The following ASCC3 variants were observed in gnomAD, a reference collection of about 807,000 sequenced individuals.
The protein encoded by ASCC3 is ASC-1 complex subunit P200.
Under a neutral mutation model 256.3 loss-of-function variants are expected in ASCC3, and 158 were observed. That is an observed-to-expected ratio of 0.62 (90% CI 0.54 to 0.70). ASCC3 has a LOEUF of 0.70. Among genes scored for constraint, ASCC3 ranks in the 30% least tolerant of loss-of-function variants. ASCC3 has a pLI of 0.00. For missense variants in ASCC3, 2,259 were observed against 2,626.0 expected (o/e 0.86, Z 3.05); for synonymous variants, 948 against 883.4 (o/e 1.07, Z -1.30).
rs1779494535 is a variant in ASCC3 at position 100,723,955 on chromosome 6, T to C, written c.1902+1584A>G. Among the ~76,000 whole-genome samples, 3 of 144,448 alleles carry C rather than the reference T, an allele frequency of 2.1e-5. No homozygotes were observed. The South Asian group carries it at 6.5e-4, about 31-fold the overall frequency. The allele number at this position is 144,448 out of a possible 152,430, so 94.8% of individuals were successfully genotyped here. On this transcript the variant is annotated intron_variant, in intron 11 of 41. Transcript: ENST00000369162. ...ATATATATATACACACACACATGCA[T>C]ATACATCATATACATATTATATATA...
chr6:100,762,283 A>AT (rs34342700), intron 10 of ASCC3, among the ~76,000 whole-genome samples: 143,117 of 152,250 alleles, frequency 0.94, 67,585 homozygotes, highest in South Asian at 0.99. Context: ...GAAGAGAACA[A>AT]TTCAGAACTC....
intron 37 of ASCC3, among the ~76,000 whole-genome samples, chr6:100,527,870 G>A (rs535859023): frequency 7.4e-5 from 11 of 148,442 alleles, no homozygotes; most frequent in South Asian, 4.2e-4. Flanking sequence ...ATGGCATCTC[G>A]CTCTGTCACC....
chr6:100,607,846 C>A (rs551276782), intron 30 of ASCC3, among the ~76,000 whole-genome samples: 6 of 150,838 alleles, frequency 4.0e-5, no homozygotes, highest in Non-Finnish European at 5.9e-5. Flanking sequence ...TTTTTGTTTA[C>A]TTCTTATCTT....
intron 18 of ASCC3, 70 bp downstream of exon 18, chr6:100,652,655 T>A: frequency 7.0e-7 from 1 of 1,437,672 alleles, no homozygotes; most frequent in Non-Finnish European, 9.6e-7. Context: ...TTATTTTACA[T>A]TAATAATATA....
chr6:100,822,484 C>T (rs1771095139), intron 4 of ASCC3, among the ~76,000 whole-genome samples: 1 of 150,386 alleles, frequency 6.6e-6, no homozygotes, highest in South Asian at 2.1e-4. Flanking sequence ...TTGCAGTGAT[C>T]CAAGATCGCG....
chr6:100,510,249 C>T (rs772385278), intron 40 of ASCC3, 142 bp from the exon 41 acceptor site: 726 of 917,160 alleles, frequency 7.9e-4, no homozygotes, highest in Non-Finnish European at 1.0e-3. Context: ...TTTAAATTTT[C>T]TTCCATTCTG....
At position 100,601,846 on chromosome 6, in the gene ASCC3, C is replaced by T; in HGVS notation, c.5267G>A (p.Trp1756Ter). ...SKQDALDYIT[W>*]TYFFRRLIMN... Reference sequence around the variant, plus strand: ...GATAAGACGTCGGAAAAAGTAAGTCCAGGTGATATAATCCAATGCATCTTG... The same window carrying T: ...GATAAGACGTCGGAAAAAGTAAGTCTAGGTGATATAATCCAATGCATCTTG... Residue 1756 changes from tryptophan (W) to a stop codon, truncating the protein, a stop_gained, in exon 34 of 42, where the codon TGG (tryptophan) becomes TAG (stop). Coordinates refer to ENST00000369162, the MANE Select transcript of ASCC3 (RefSeq NM_006828.4). LOFTEE classifies it high-confidence loss of function. 6.2e-7 allele frequency: 1 copy of T among 1,612,606 alleles called. No individual in the cohort carries two copies. Among genetic ancestry groups the T allele is most frequent in the South Asian group, 1.1e-5 (1 of 91,040 alleles).
chr6:100,798,675 G>T (rs746092430), intron 8 of ASCC3, 38 bp downstream of exon 8: 5 of 1,609,306 alleles, frequency 3.1e-6, no homozygotes, highest in Non-Finnish European at 4.2e-6. Context: ...CGCATACCAA[G>T]CCTCAAAACT....
At chr6:100,853,341 G>GA in intron 3 of ASCC3, among the ~76,000 whole-genome samples, 1 of 151,352 alleles carries the variant, frequency 6.6e-6, no homozygotes, top group African/African-American at 2.4e-5. Context: ...AGGAATCCTG[G>GA]AAAAAGGATG....
At chr6:100,610,403 T>G (rs1157078958) in intron 30 of ASCC3, among the ~76,000 whole-genome samples, 1 of 152,112 alleles carries the variant, frequency 6.6e-6, no homozygotes, top group Non-Finnish European at 1.5e-5. Context: ...TGCTTTCTTG[T>G]TCATTTTATT....
chr6:100,838,830 C>T (rs1170136976), intron 4 of ASCC3, among the ~76,000 whole-genome samples: 1 of 151,948 alleles, frequency 6.6e-6, no homozygotes, highest in Admixed American at 6.6e-5. Flanking sequence ...AAATTTCAAC[C>T]ATTATGTGTG....
intron 20 of ASCC3, among the ~76,000 whole-genome samples, chr6:100,650,030 G>T (rs1284906639): frequency 6.6e-6 from 1 of 151,558 alleles, no homozygotes; most frequent in Admixed American, 6.6e-5. Context: ...TTCAACAGTA[G>T]AGAGGAGAGA....
intron 4 of ASCC3, among the ~76,000 whole-genome samples, chr6:100,842,082 A>G (rs1466593864): frequency 1.3e-5 from 2 of 152,142 alleles, no homozygotes. Flanking sequence ...AAACCAATAC[A>G]TATTGGTCCT....
chr6:100,554,256 A>G (rs1040486680), intron 36 of ASCC3, among the ~76,000 whole-genome samples: 6 of 152,188 alleles, frequency 3.9e-5, no homozygotes, highest in East Asian at 3.8e-4. Flanking sequence ...ATTTTTAAAC[A>G]TACATATATA....
chr6:100,574,540 T>C (rs1156838338), intron 36 of ASCC3, among the ~76,000 whole-genome samples: 5 of 152,002 alleles, frequency 3.3e-5, no homozygotes, highest in Non-Finnish European at 7.4e-5. Flanking sequence ...ATAAAATAAA[T>C]ATATTTTGCT....
intron 4 of ASCC3, among the ~76,000 whole-genome samples, chr6:100,819,598 A>G (rs919705948): frequency 6.6e-6 from 1 of 152,122 alleles, no homozygotes; most frequent in African/African-American, 2.4e-5. Flanking sequence ...TAAATCCAAG[A>G]GTCCAAAAGC....
chr6:100,827,777 TATTA>T (rs1771393647), intron 4 of ASCC3, among the ~76,000 whole-genome samples: 4 of 152,160 alleles, frequency 2.6e-5, no homozygotes, highest in African/African-American at 9.7e-5. Context: ...ATTATAAACA[TATTA>T]ATCACAGAAA....
intron 25 of ASCC3, among the ~76,000 whole-genome samples, chr6:100,636,609 C>T (rs1258026084): frequency 6.6e-6 from 1 of 152,126 alleles, no homozygotes; most frequent in Non-Finnish European, 1.5e-5. Flanking sequence ...ATGTCGAAAG[C>T]TGAGATAGGC....
At chr6:100,724,154 A>C (rs1177261233) in intron 11 of ASCC3, among the ~76,000 whole-genome samples, 1 of 149,024 alleles carries the variant, frequency 6.7e-6, no homozygotes, top group Admixed American at 6.7e-5. Flanking sequence ...AAAACAAAAA[A>C]AAAAACAAAA....
Sources: gnomAD v4.1 joint callset for allele counts (sites outside exome capture counted in the v4.1 genomes callset) on GRCh38, gnomAD v4.1.1 for gene constraint, MANE v1.5 for transcripts, NCBI Gene and HGNC (gene_info 2026-07-23, HGNC 2026-07-21) for gene names.